The following LANCL1 variants were observed in gnomAD, a reference collection of about 807,000 sequenced individuals.
LANCL1 encodes LanC like glutathione S-transferase 1.
A neutral mutation model predicts 50.6 loss-of-function variants in LANCL1; 50 were observed. The observed-to-expected ratio is 0.99, with a 90% confidence interval of 0.79 to 1.25. The LOEUF is 1.25. Among genes scored for constraint, LANCL1 ranks in the 50% most tolerant of loss-of-function variants. LANCL1 has a pLI of 0.00. For missense variants in LANCL1, 532 were observed against 480.7 expected (o/e 1.11, Z -1.00); for synonymous variants, 188 against 178.6 (o/e 1.05, Z -0.42).
chr2:210,455,249 G>A lies in LANCL1; in HGVS notation c.265C>T (p.His89Tyr), dbSNP rs1265532000. The A allele has an allele frequency of 1.2e-6, 2 of 1,612,930 alleles. No homozygotes were observed. Among genetic ancestry groups the A allele is most frequent in the South Asian group, 1.1e-5 (1 of 91,062 alleles). The change falls in exon 4 of 10, where the codon CAT (histidine) becomes TAT (tyrosine). Residue 89 changes from histidine (H) to tyrosine (Y), a missense_variant. His to Tyr is a moderately conservative substitution (Grantham distance 83, BLOSUM62 2). Coordinates refer to ENST00000450366, the MANE Select transcript of LANCL1 (RefSeq NM_006055.3). ...TTCAGACTTTGCTTTACATAGCCAT[G>A]TGCTAACTGTAGGTAGGCAGGGTCC... The part of the protein sequence containing the change: ...FGDPAYLQLA[H>Y]GYVKQSLNCL...
intron 3 of LANCL1, chr2:210,471,666 T>C: frequency 1.8e-6 from 1 of 552,598 alleles, no homozygotes. Context: ...ATCTGCAAAT[T>C]AACTATGTAA....
At chr2:210,457,441 A>C (rs938839109) in intron 3 of LANCL1, among the ~76,000 whole-genome samples, 26 of 152,152 alleles carry the variant, frequency 1.7e-4, no homozygotes, top group African/African-American at 6.0e-4. Context: ...ACCACCTTTG[A>C]ATCAATACCA....
rs1316780610 is a variant in LANCL1 at position 210,455,151 on chromosome 2, A to G, written c.363T>C (p.Tyr121=). The change falls in exon 4 of 10, where the codon TAT becomes TAC. Residue 121 remains tyrosine (Y), a synonymous_variant. Coordinates refer to ENST00000450366, the MANE Select transcript of LANCL1 (RefSeq NM_006055.3). The stretch of plus-strand genomic sequence containing the variant: ...CCTGCTTCTCATTGTTCATCTTGTG[A>G]TATAGCACAGCGGCCACTGCCAGGG... ...AGPLAVAAVL[Y]HKMNNEKQAE... 6.2e-7 allele frequency: 1 copy of G among 1,613,766 alleles called. No individual in the cohort carries two copies. The highest frequency in any genetic ancestry group is 8.5e-7 in the Non-Finnish European group (1 of 1,179,744).
chr2:210,450,904 T>C (rs1389919350), intron 4 of LANCL1, among the ~76,000 whole-genome samples: 1 of 152,208 alleles, frequency 6.6e-6, no homozygotes, highest in South Asian at 2.1e-4. Flanking sequence ...AGTTCAACCA[T>C]TGTGGAAGAC....
intron 8 of LANCL1, among the ~76,000 whole-genome samples, chr2:210,435,893 C>CTGTT (rs1692912523): frequency 3.1e-5 from 2 of 64,228 alleles, no homozygotes; most frequent in South Asian, 8.1e-4. Flanking sequence ...GGGAGACCTG[C>CTGTT]TTTTTTTTTT....
intron 6 of LANCL1, 63 bp downstream of exon 6, chr2:210,440,535 T>C: frequency 6.8e-7 from 1 of 1,463,184 alleles, no homozygotes; most frequent in Non-Finnish European, 9.3e-7. Flanking sequence ...ATCTGTTTTC[T>C]CACCCATGAT....
In LANCL1 at chr2:210,433,193, A is replaced by C. The variant is rs1692804021; in HGVS notation, c.*1294T>G. The C allele has an allele frequency of 6.6e-6, 1 of 152,648 alleles. No homozygotes were observed. The highest frequency in any genetic ancestry group is 1.5e-5 in the Non-Finnish European group (1 of 68,050). 9.5% of individuals were successfully genotyped at this position (152,648 alleles called of 1,614,324 possible). ...GAGACAAAACAAGCCAGGCAAAGGCAGTAATAGAAAGAGTAGAAGCTGATG... is the reference window on the plus strand; with the variant it reads ...GAGACAAAACAAGCCAGGCAAAGGCCGTAATAGAAAGAGTAGAAGCTGATG... On this transcript the variant is annotated 3_prime_UTR_variant, in exon 10 of 10. Transcript: ENST00000450366.
At position 210,431,912 on chromosome 2, in the gene LANCL1, CAG is replaced by C. The variant is rs1248053829; in HGVS notation, c.*2573_*2574del. 3 of 152,144 alleles carry C rather than the reference CAG, an allele frequency of 2.0e-5. No homozygotes were observed. Among genetic ancestry groups the C allele is most frequent in the Non-Finnish European group, 4.4e-5 (3 of 68,026 alleles). The allele number at this position is 152,144 out of a possible 1,614,324, so 9.4% of individuals were successfully genotyped here. On this transcript the variant is annotated 3_prime_UTR_variant, in exon 10 of 10. Coordinates refer to ENST00000450366, the MANE Select transcript of LANCL1 (RefSeq NM_006055.3). ...TGCAATTTCTAAATTACTATAGAAACAGAAACATGTGACAGGATAAATGAACA... is the reference window on the plus strand; with the variant it reads ...TGCAATTTCTAAATTACTATAGAAACAAACATGTGACAGGATAAATGAACA...
intron 2 of LANCL1, among the ~76,000 whole-genome samples, chr2:210,474,983 G>T (rs1158789516): frequency 6.6e-6 from 1 of 152,124 alleles, no homozygotes; most frequent in Non-Finnish European, 1.5e-5. Flanking sequence ...CATCTGACCT[G>T]AAGATAATTA....
At chr2:210,463,118 T>C (rs1693919410) in intron 3 of LANCL1, among the ~76,000 whole-genome samples, 1 of 152,258 alleles carries the variant, frequency 6.6e-6, no homozygotes, top group African/African-American at 2.4e-5. Flanking sequence ...TCACTAGCTC[T>C]ATAACCTTGA....
intron 3 of LANCL1, among the ~76,000 whole-genome samples, chr2:210,455,825 T>C (rs1239292056): frequency 6.6e-6 from 1 of 151,504 alleles, no homozygotes; most frequent in Non-Finnish European, 1.5e-5. Flanking sequence ...TTTTTTTTTT[T>C]TTGTGAAAAG....
chr2:210,458,815 T>C (rs1693746351), intron 3 of LANCL1, among the ~76,000 whole-genome samples: 1 of 152,180 alleles, frequency 6.6e-6, no homozygotes, highest in African/African-American at 2.4e-5. Context: ...GAAGGACACT[T>C]AATGAGAAAA....
At chr2:210,453,782 G>A (rs1693579298) in intron 4 of LANCL1, among the ~76,000 whole-genome samples, 1 of 152,132 alleles carries the variant, frequency 6.6e-6, no homozygotes, top group South Asian at 2.1e-4. Context: ...GTATGGAACA[G>A]TTTTTGTATT....
intron 4 of LANCL1, among the ~76,000 whole-genome samples, chr2:210,453,541 T>A (rs951237187): frequency 6.6e-6 from 1 of 152,226 alleles, no homozygotes; most frequent in East Asian, 1.9e-4. Context: ...ATTGAACACA[T>A]TAACATTTCT....
intron 3 of LANCL1, chr2:210,468,037 A>G (rs1008026292): frequency 6.6e-6 from 1 of 152,222 alleles, no homozygotes; most frequent in Non-Finnish European, 1.5e-5. Context: ...AAAGCTACAA[A>G]AATAGTAATG....
Position 210,472,095 on chromosome 2 carries a change from C to A in LANCL1, c.82-19G>T, listed in dbSNP as rs779559248. 2.6e-6 allele frequency: 4 copies of A among 1,550,394 alleles called. No homozygotes were observed. Among genetic ancestry groups the A allele is most frequent in the Non-Finnish European group, 3.6e-6 (4 of 1,122,664 alleles). The stretch of plus-strand genomic sequence containing the variant: ...GAGTCAGCTAGATATTAAAGGAAAA[C>A]AAGTATCAAAATAATGTGGGTCACC... On this transcript the variant is annotated intron_variant, in intron 2 of 9. Coordinates refer to ENST00000450366, the MANE Select transcript of LANCL1 (RefSeq NM_006055.3).
intron 3 of LANCL1, among the ~76,000 whole-genome samples, chr2:210,456,169 G>A (rs2105910074): frequency 6.6e-6 from 1 of 152,230 alleles, no homozygotes; most frequent in Non-Finnish European, 1.5e-5. Flanking sequence ...AAGCCTGCCT[G>A]CCTGCCTGCA....
chr2:210,466,349 A>C (rs2370949), intron 3 of LANCL1, among the ~76,000 whole-genome samples: 85,166 of 151,854 alleles, frequency 0.56, 24,369 homozygotes, highest in East Asian at 0.82. Flanking sequence ...TATGGAGTAC[A>C]CTGTGGAGAT....
chr2:210,443,456 TGGAAG>T (rs1440897716), intron 4 of LANCL1, among the ~76,000 whole-genome samples: 1 of 152,206 alleles, frequency 6.6e-6, no homozygotes, highest in Non-Finnish European at 1.5e-5. Context: ...AATGAAACTC[TGGAAG>T]AAAGTAGTAA....
Sources: allele counts gnomAD v4.1 joint callset (sites outside exome capture counted in the v4.1 genomes callset), GRCh38; gene constraint gnomAD v4.1.1; transcripts MANE v1.5; gene names NCBI Gene and HGNC (gene_info 2026-07-23, HGNC 2026-07-21).